The following TMEM87A variants were observed in gnomAD, a reference collection of about 807,000 sequenced individuals.
The protein encoded by TMEM87A is Golgi-pH regulating cation channel.
Under a neutral mutation model 90.0 loss-of-function variants are expected in TMEM87A, and 50 were observed. The observed-to-expected ratio is 0.56, with a 90% CI of 0.44 to 0.70. TMEM87A has a LOEUF of 0.70. Ranked by LOEUF, TMEM87A falls within the 30% of genes least tolerant of loss-of-function variation. The pLI is 0.00. For synonymous variants in TMEM87A, 226 were observed against 226.7 expected (o/e 1.00, Z 0.03); for missense variants, 577 against 660.5 (o/e 0.87, Z 1.39).
rs147320274 is a variant in TMEM87A at position 42,228,650 on chromosome 15, G to C, written c.1240+62C>G. 118 of 1,433,618 alleles carry C rather than the reference G, an allele frequency of 8.2e-5. No homozygotes were observed. In the African/African-American group the frequency reaches 1.6e-3, roughly 19 times the overall value. 88.8% of individuals were successfully genotyped at this position (1,433,618 alleles called of 1,614,324 possible). On this transcript the variant is annotated intron_variant, in intron 13 of 19. Transcript: ENST00000389834. Reference sequence around the variant, plus strand: ...TCTATGTCCACCCATGGCCTTTCAGGTTAAGAATGTCCATTCTAAACAGAT... The same window carrying C: ...TCTATGTCCACCCATGGCCTTTCAGCTTAAGAATGTCCATTCTAAACAGAT...
chr15:42,236,545 A>G (rs2140940964), intron 9 of TMEM87A, 126 bp from the exon 10 acceptor site: 1 of 739,426 alleles, frequency 1.4e-6, no homozygotes. Context: ...CTAAAATAGA[A>G]TACCTCTTCC....
intron 6 of TMEM87A, among the ~76,000 whole-genome samples, chr15:42,251,332 T>A (rs984135916): frequency 6.6e-6 from 1 of 152,224 alleles, no homozygotes; most frequent in Admixed American, 6.5e-5. Flanking sequence ...CTGTGGTTTT[T>A]AGAATTTTCA....
intron 9 of TMEM87A, among the ~76,000 whole-genome samples, chr15:42,236,627 G>A (rs186515197): frequency 1.4e-4 from 22 of 152,196 alleles, no homozygotes; most frequent in Middle Eastern, 6.8e-3. Context: ...ATCTGGGTGC[G>A]CTCAACTCAG....
At chr15:42,269,218 T>C (rs949222904) in intron 2 of TMEM87A, among the ~76,000 whole-genome samples, 8 of 152,094 alleles carry the variant, frequency 5.3e-5, no homozygotes, top group South Asian at 2.1e-4. Context: ...ATTCTAGCTA[T>C]GAAAGGAAAA....
At chr15:42,240,015 G>A (rs1298935078) in intron 7 of TMEM87A, among the ~76,000 whole-genome samples, 1 of 152,130 alleles carries the variant, frequency 6.6e-6, no homozygotes, top group Non-Finnish European at 1.5e-5. Context: ...AGACTAGATT[G>A]AATATTTCCT....
chr15:42,247,551 T>C lies in TMEM87A; in HGVS notation c.505-3384A>G, dbSNP rs1429663627. On this transcript the variant is annotated intron_variant, in intron 6 of 19. Transcript: ENST00000389834. ...CCATTTATTAAATAGGGAATCCTTT[T>C]CCCATTTCTTGTTTTTGTCAGGTTT... Among the ~76,000 whole-genome samples the C allele has an allele frequency of 8.5e-5, 13 of 152,128 alleles. No homozygotes were observed. The South Asian group carries it at 1.4e-3, about 17-fold the overall frequency.
At chr15:42,248,606 A>G (rs2051023507) in intron 6 of TMEM87A, among the ~76,000 whole-genome samples, 2 of 151,218 alleles carry the variant, frequency 1.3e-5, no homozygotes, top group African/African-American at 4.9e-5. Flanking sequence ...CATATGTTGA[A>G]CCACCCTTGC....
intron 18 of TMEM87A, 179 bp downstream of exon 18, chr15:42,218,144 A>G: frequency 1.4e-6 from 1 of 702,460 alleles, no homozygotes; most frequent in South Asian, 2.1e-5. Context: ...AAATCTTTCT[A>G]AGCAGAAATG....
At chr15:42,224,999 G>C (rs2140924406) in intron 15 of TMEM87A, among the ~76,000 whole-genome samples, 1 of 152,312 alleles carries the variant, frequency 6.6e-6, no homozygotes, top group Admixed American at 6.5e-5. Flanking sequence ...TAGATCAACA[G>C]ACGGATATAA....
chr15:42,246,406 A>T lies in TMEM87A; in HGVS notation c.505-2239T>A, dbSNP rs1029287518. On this transcript the variant is annotated intron_variant, in intron 6 of 19. Transcript: ENST00000389834. ...GGTTTGTTGCACCCATTAACTCGTC[A>T]TTTACATTAGGTATTTCTCCTAATG... 4.6e-5 allele frequency among the ~76,000 whole-genome samples: 7 copies of T among 152,008 alleles called. 1 individual carries two copies. The highest frequency in any genetic ancestry group is 3.9e-4 in the Admixed American group (6 of 15,262).
Position 42,224,783 on chromosome 15 carries a change from T to C in TMEM87A, c.1403+2023A>G, listed in dbSNP as rs2050559391. 1.3e-5 allele frequency among the ~76,000 whole-genome samples: 2 copies of C among 152,194 alleles called. 1 individual carries two copies. Among genetic ancestry groups the C allele is most frequent in the South Asian group, 4.1e-4 (2 of 4,832 alleles). ...TACACTGGAAGGAATCTCCACAATGTACTGTCACAAGAGTAATGTAAGATT... is the reference window on the plus strand; with the variant it reads ...TACACTGGAAGGAATCTCCACAATGCACTGTCACAAGAGTAATGTAAGATT... On this transcript the variant is annotated intron_variant, in intron 15 of 19. Transcript: ENST00000389834.
At chr15:42,229,902 T>G (rs945770077) in intron 12 of TMEM87A, among the ~76,000 whole-genome samples, 10 of 152,202 alleles carry the variant, frequency 6.6e-5, no homozygotes, top group African/African-American at 2.4e-4. Flanking sequence ...CTCGGCTCAC[T>G]GCAACCTCCG....
At chr15:42,216,142 C>G (rs1354892456) in intron 19 of TMEM87A, among the ~76,000 whole-genome samples, 6 of 152,120 alleles carry the variant, frequency 3.9e-5, no homozygotes, top group Non-Finnish European at 8.8e-5. Context: ...CACAGGGGGA[C>G]AAATGCTGCA....
intron 13 of TMEM87A, 88 bp from the exon 14 acceptor site, chr15:42,227,857 C>A: frequency 8.5e-7 from 1 of 1,175,812 alleles, no homozygotes; most frequent in East Asian, 2.4e-5. Context: ...AGTGGAATCC[C>A]ACACACCCCG....
At chr15:42,261,024 T>A (rs751156831) in intron 5 of TMEM87A, 22 bp from the exon 6 acceptor site, 96 of 1,582,404 alleles carry the variant, frequency 6.1e-5, no homozygotes, top group East Asian at 5.5e-4. Flanking sequence ...AAAAAAATAA[T>A]AATAATTAAT....
intron 15 of TMEM87A, among the ~76,000 whole-genome samples, chr15:42,225,965 T>C (rs1013583724): frequency 8.5e-5 from 13 of 152,186 alleles, no homozygotes; most frequent in Admixed American, 6.5e-5. Flanking sequence ...AGGAAGTCTA[T>C]TGGTGCCATT....
chr15:42,261,134 G>GT, intron 5 of TMEM87A, 62 bp downstream of exon 5: 1 of 1,573,922 alleles, frequency 6.4e-7, no homozygotes, highest in Non-Finnish European at 8.7e-7. Context: ...GTGAGCACGG[G>GT]TATCTCCTGC....
rs148883582 is a variant in TMEM87A, at chr15:42,219,644, T to C, written c.1478-2A>G. 28 of 1,589,846 alleles carry C rather than the reference T, an allele frequency of 1.8e-5. No individual in the cohort carries two copies. In the African/African-American group the frequency reaches 2.4e-4, roughly 14 times the overall value. ...TGGTACTTCTCATTTTCATTCCTTC[T>C]GTAGAAGAAAATAAATATACACTGT... On this transcript the variant is annotated splice_acceptor_variant, in intron 16 of 19. Coordinates refer to ENST00000389834, the MANE Select transcript of TMEM87A (RefSeq NM_015497.5). LOFTEE classifies it high-confidence loss of function.
At chr15:42,248,118 T>C (rs1463097886) in intron 6 of TMEM87A, among the ~76,000 whole-genome samples, 1 of 152,222 alleles carries the variant, frequency 6.6e-6, no homozygotes, top group Admixed American at 6.5e-5. Flanking sequence ...CTTGTGATTT[T>C]TGCATATTGA....
Sources: gnomAD v4.1 joint callset for allele counts (sites outside exome capture counted in the v4.1 genomes callset) on GRCh38, gnomAD v4.1.1 for gene constraint, MANE v1.5 for transcripts, NCBI Gene and HGNC (gene_info 2026-07-23, HGNC 2026-07-21) for gene names.